The following GAREM1 variants were observed in gnomAD, a reference collection of about 807,000 sequenced individuals.
The protein encoded by GAREM1 is GRB2 associated regulator of MAPK1 subtype 1.
In GAREM1, 26 loss-of-function variants were observed where a neutral mutation model predicts 71.3. The observed-to-expected ratio is 0.36, with a 90% CI of 0.27 to 0.51. The LOEUF (loss-of-function observed/expected upper bound fraction) is 0.51, where lower values mean the gene tolerates loss of function less well. GAREM1 is among the 20% of genes least tolerant of loss of function. GAREM1 has a pLI of 0.95. For missense variants in GAREM1, 1,026 were observed against 1,103.1 expected, an observed-to-expected ratio of 0.93 and a Z score of 0.99; for synonymous variants, 440 against 433.2, an observed-to-expected ratio of 1.02 and a Z score of -0.20.
chr18:32,333,579 A>G lies in GAREM1; in HGVS notation c.263-23256T>C, dbSNP rs1343252101. On this transcript the variant is annotated intron_variant, in intron 2 of 5. Transcript: ENST00000269209. Reference sequence around the variant, plus strand: ...ACAGGAGTTCTTGAGTAGTTTGTATAACTTCCTGAGCCAGTATACAAACTC... The same window carrying G: ...ACAGGAGTTCTTGAGTAGTTTGTATGACTTCCTGAGCCAGTATACAAACTC... Among the ~76,000 whole-genome samples the G allele has an allele frequency of 5.3e-5, 8 of 152,172 alleles. No homozygotes were observed. The South Asian group carries it at 6.2e-4, about 12-fold the overall frequency.
chr18:32,411,787 T>G (rs1306364863), intron 1 of GAREM1, among the ~76,000 whole-genome samples: 2 of 152,090 alleles, frequency 1.3e-5, no homozygotes, highest in East Asian at 3.9e-4. Context: ...AAATAGAACC[T>G]GGCATCACCC....
intron 2 of GAREM1, among the ~76,000 whole-genome samples, chr18:32,320,328 T>C (rs532816021): frequency 1.3e-5 from 2 of 152,274 alleles, no homozygotes; most frequent in South Asian, 4.1e-4. Flanking sequence ...TTGAAATTTC[T>C]GCTGATCTTA....
chr18:32,301,983 G>A (rs1423378688), intron 3 of GAREM1, among the ~76,000 whole-genome samples: 4 of 152,188 alleles, frequency 2.6e-5, no homozygotes, highest in Non-Finnish European at 4.4e-5. Context: ...ATGACAGAAG[G>A]ATTTTGGCTA....
chr18:32,343,308 ACT>A (rs2047664442), intron 2 of GAREM1, among the ~76,000 whole-genome samples: 1 of 129,374 alleles, frequency 7.7e-6, no homozygotes, highest in African/African-American at 3.1e-5. Flanking sequence ...ACTCTCCCCC[ACT>A]GTTTTTTTTT....
At chr18:32,272,938 C>A (rs1004599628) in intron 4 of GAREM1, among the ~76,000 whole-genome samples, 1 of 152,234 alleles carries the variant, frequency 6.6e-6, no homozygotes, top group East Asian at 1.9e-4. Flanking sequence ...GGCTGGGCCA[C>A]CCCGCTTTCT....
chr18:32,366,503 T>C lies in GAREM1; in HGVS notation c.262+26392A>G, dbSNP rs538872708. On this transcript the variant is annotated intron_variant, in intron 2 of 5. Coordinates refer to ENST00000269209, the MANE Select transcript of GAREM1 (RefSeq NM_001242409.2). ...AAAGTATACTAAATTTTACATATTTTTATAGGAAAGGGAACCTGTATATAA... is the reference window on the plus strand; with the variant it reads ...AAAGTATACTAAATTTTACATATTTCTATAGGAAAGGGAACCTGTATATAA... 5.3e-5 allele frequency among the ~76,000 whole-genome samples: 8 copies of C among 152,336 alleles called. No homozygotes were observed. In the East Asian group the frequency reaches 1.4e-3, roughly 26 times the overall value.
chr18:32,328,580 T>C (rs189824453), intron 2 of GAREM1, among the ~76,000 whole-genome samples: 1 of 152,314 alleles, frequency 6.6e-6, no homozygotes, highest in Non-Finnish European at 1.5e-5. Flanking sequence ...CATTTTAATC[T>C]AAGCATTTTG....
intron 2 of GAREM1, among the ~76,000 whole-genome samples, chr18:32,358,621 C>T (rs1020657308): frequency 1.3e-5 from 2 of 152,132 alleles, no homozygotes; most frequent in African/African-American, 4.8e-5. Flanking sequence ...TAAAAGGACA[C>T]AGAATTAACC....
chr18:32,470,209 C>G lies in GAREM1; in HGVS notation c.121+99G>C. 7.8e-7 allele frequency: 1 copy of G among 1,274,516 alleles called. No homozygotes were observed. The highest frequency in any genetic ancestry group is 1.5e-5 in the African/African-American group (1 of 64,836). The allele number at this position is 1,274,516 out of a possible 1,614,324, so 79.0% of individuals were successfully genotyped here. The stretch of plus-strand genomic sequence containing the variant: ...ACTCCGGCGCTCAGGGGCGGGCAGC[C>G]CACTCCCCGCGGGTCCCACCCTCTC... On this transcript the variant is annotated intron_variant, in intron 1 of 5. Transcript: ENST00000269209. The surrounding 1 kb of genome is among the most constrained non-coding windows in gnomAD (Gnocchi z 4.4).
At chr18:32,342,997 T>A (rs921351470) in intron 2 of GAREM1, among the ~76,000 whole-genome samples, 6 of 152,244 alleles carry the variant, frequency 3.9e-5, no homozygotes, top group Non-Finnish European at 5.9e-5. Context: ...GCTAAGAGCC[T>A]TGAAGACAAC....
intron 4 of GAREM1, among the ~76,000 whole-genome samples, chr18:32,282,363 T>C (rs1377843766): frequency 6.6e-6 from 1 of 151,736 alleles, no homozygotes; most frequent in Non-Finnish European, 1.5e-5. Flanking sequence ...GAGGTGGAGG[T>C]TGCAGTGAGC....
chr18:32,326,347 G>A (rs1567965357), intron 2 of GAREM1, among the ~76,000 whole-genome samples: 1 of 152,152 alleles, frequency 6.6e-6, no homozygotes, highest in Non-Finnish European at 1.5e-5. Context: ...TATAATTCCT[G>A]TAATAAATTT....
intron 1 of GAREM1, among the ~76,000 whole-genome samples, chr18:32,441,927 C>G (rs1470196957): frequency 6.6e-6 from 1 of 152,148 alleles, no homozygotes; most frequent in Non-Finnish European, 1.5e-5. Flanking sequence ...TCATAACTAC[C>G]CCCACAATAC....
At position 32,412,776 on chromosome 18, in the gene GAREM1, A is replaced by G. The variant is rs2048433030; in HGVS notation, c.122-19741T>C. On this transcript the variant is annotated intron_variant, in intron 1 of 5. Coordinates refer to ENST00000269209, the MANE Select transcript of GAREM1 (RefSeq NM_001242409.2). ...ACTGCCTCGGTCAGTCATGATTTCA[A>G]TCACTTCAATTTTTCCATACTGTTC... 6 of 1,212,974 alleles carry G rather than the reference A, an allele frequency of 4.9e-6. No homozygotes were observed. The South Asian group carries it at 6.1e-5, about 12-fold the overall frequency. 75.1% of individuals were successfully genotyped at this position (1,212,974 alleles called of 1,614,324 possible). A position where few individuals can be genotyped will look rare whatever the true frequency, so the allele number is the denominator to read the frequency against.
intron 2 of GAREM1, among the ~76,000 whole-genome samples, chr18:32,366,542 T>C (rs2047930053): frequency 6.6e-6 from 1 of 152,230 alleles, no homozygotes. Flanking sequence ...AGAAACTTTG[T>C]TATTCATGGA....
chr18:32,391,127 A>G (rs1174804791), intron 2 of GAREM1, among the ~76,000 whole-genome samples: 1 of 152,176 alleles, frequency 6.6e-6, no homozygotes, highest in African/African-American at 2.4e-5. Context: ...ACATCAGGAG[A>G]CCATGTGGGG....
chr18:32,316,130 T>G (rs2047375930), intron 2 of GAREM1, among the ~76,000 whole-genome samples: 1 of 152,142 alleles, frequency 6.6e-6, no homozygotes, highest in South Asian at 2.1e-4. Flanking sequence ...CAGAATCACA[T>G]ATACATGGGA....
intron 1 of GAREM1, among the ~76,000 whole-genome samples, chr18:32,465,796 T>C (rs1290418821): frequency 6.6e-6 from 1 of 152,260 alleles, no homozygotes; most frequent in Non-Finnish European, 1.5e-5. Flanking sequence ...TAAAAATTAA[T>C]GGGCTTGGGT....
At position 32,450,687 on chromosome 18, in the gene GAREM1, A is replaced by T. The variant is rs191784216; in HGVS notation, c.121+19621T>A. On this transcript the variant is annotated intron_variant, in intron 1 of 5. Transcript: ENST00000269209. ...CCACAAATTATCTTGCTGCTTTCTCATACCTCCAGCCTTTAGCACTTACTG... is the reference window on the plus strand; with the variant it reads ...CCACAAATTATCTTGCTGCTTTCTCTTACCTCCAGCCTTTAGCACTTACTG... Among the ~76,000 whole-genome samples, 107 of 152,274 alleles carry T rather than the reference A, an allele frequency of 7.0e-4. 1 individual carries two copies. In the East Asian group the frequency reaches 0.016, roughly 23 times the overall value.
Sources: gnomAD v4.1 joint callset for allele counts (sites outside exome capture counted in the v4.1 genomes callset) on GRCh38, gnomAD v4.1.1 for gene constraint, Gnocchi (gnomAD v3.1) non-coding constraint, MANE v1.5 for transcripts, NCBI Gene and HGNC (gene_info 2026-07-23, HGNC 2026-07-21) for gene names.